DTNA: variants seen among roughly 807,000 people sequenced by gnomAD.
DTNA encodes the protein dystrophin-related protein 3.
Under a neutral mutation model 100.7 loss-of-function variants are expected in DTNA, and 43 were observed. The ratio of observed to expected loss-of-function variants is 0.43; its 90% CI spans 0.33 to 0.55. The LOEUF (loss-of-function observed/expected upper bound fraction) is 0.55, where lower values mean the gene tolerates loss of function less well. Among genes scored for constraint, DTNA ranks in the 20% least tolerant of loss-of-function variants. DTNA has a pLI of 0.04. For synonymous variants in DTNA, 349 were observed against 347.9 expected, an observed-to-expected ratio of 1.00 and a Z score of -0.04; for missense variants, 798 against 953.9, an observed-to-expected ratio of 0.84 and a Z score of 2.15.
chr18:34,773,510 C>G (rs1316942258), intron 3 of DTNA, among the ~76,000 whole-genome samples: 1 of 152,184 alleles, frequency 6.6e-6, no homozygotes, highest in South Asian at 2.1e-4. Context: ...AGATGACTAA[C>G]CCTTGGAGCA....
chr18:34,840,866 A>G (rs543358359), intron 13 of DTNA, among the ~76,000 whole-genome samples: 26 of 152,096 alleles, frequency 1.7e-4, no homozygotes, highest in Admixed American at 1.6e-3. Context: ...TTTATGTTTA[A>G]TTAGATCCCA....
intron 17 of DTNA, chr18:34,867,266 C>T (rs2096715841): frequency 2.4e-6 from 3 of 1,231,154 alleles, no homozygotes; most frequent in Non-Finnish European, 2.0e-6. Context: ...ACCCTTCATT[C>T]CCATGGTCTG....
intron 1 of DTNA, among the ~76,000 whole-genome samples, chr18:34,725,868 A>C (rs1161814874): frequency 6.6e-6 from 1 of 152,224 alleles, no homozygotes; most frequent in Non-Finnish European, 1.5e-5. Context: ...TCGATGATAG[A>C]CTGGATTAAG....
At chr18:34,819,897 C>A (rs199581328) in intron 8 of DTNA, among the ~76,000 whole-genome samples, 1 of 151,292 alleles carries the variant, frequency 6.6e-6, no homozygotes, top group Admixed American at 6.6e-5. Flanking sequence ...AAGAAAGTGA[C>A]AAAATTTGAA....
chr18:34,866,673 C>T lies in DTNA; in HGVS notation c.1743+2611C>T, dbSNP rs114527015. ...CACACAATTATTGAGCCTTGTTCCC[C>T]ATGGCTCACCAAAATGTGCTCAATT... On this transcript the variant is annotated intron_variant, in intron 17 of 22. Transcript: ENST00000444659. 1.0e-5 allele frequency: 10 copies of T among 999,478 alleles called. No individual in the cohort carries two copies. In the African/African-American group the frequency reaches 1.0e-4, roughly 10 times the overall value. The allele number at this position is 999,478 out of a possible 1,614,324, so 61.9% of individuals were successfully genotyped here.
At chr18:34,564,607 C>T (rs1206388888) in intron 1 of DTNA, among the ~76,000 whole-genome samples, 7 of 152,208 alleles carry the variant, frequency 4.6e-5, no homozygotes, top group African/African-American at 1.7e-4. Flanking sequence ...AGAAATTATG[C>T]ATATTATCTC....
Position 34,837,753 on chromosome 18 carries a change from A to G in DTNA, c.1176-341A>G, listed in dbSNP as rs151217005. Among the ~76,000 whole-genome samples the G allele has an allele frequency of 1.1e-4, 17 of 152,362 alleles. No homozygotes were observed. The East Asian group carries it at 2.9e-3, about 26-fold the overall frequency. ...TCTTGAGTGGGATCTAAAGGCTGGCAGGACTTAGTGAACTATTGGACTGTT... is the reference window on the plus strand; with the variant it reads ...TCTTGAGTGGGATCTAAAGGCTGGCGGGACTTAGTGAACTATTGGACTGTT... On this transcript the variant is annotated intron_variant, in intron 11 of 22. Transcript: ENST00000444659.
At position 34,538,140 on chromosome 18, in the gene DTNA, A is replaced by G. The variant is rs1015742; in HGVS notation, c.-2+44626A>G. Reference sequence around the variant, plus strand: ...CGCAAAATGGTAAATAAAAGTTGAAAACAAAGGAATAGACAAAGTTATACC... The same window carrying G: ...CGCAAAATGGTAAATAAAAGTTGAAGACAAAGGAATAGACAAAGTTATACC... On this transcript the variant is annotated intron_variant, in intron 1 of 19. Transcript: ENST00000283365. Among the ~76,000 whole-genome samples, 355 of 152,216 alleles carry G rather than the reference A, an allele frequency of 2.3e-3. 3 individuals carry two copies. The highest frequency in any genetic ancestry group is 8.3e-3 in the African/African-American group (347 of 41,568).
intron 1 of DTNA, among the ~76,000 whole-genome samples, chr18:34,509,528 A>G (rs984367531): frequency 2.0e-5 from 3 of 152,148 alleles, no homozygotes; most frequent in African/African-American, 7.2e-5. Flanking sequence ...AATGTTTATC[A>G]TAAGAGTGTA....
intron 1 of DTNA, among the ~76,000 whole-genome samples, chr18:34,544,867 A>G (rs993659277): frequency 6.6e-6 from 1 of 151,960 alleles, no homozygotes; most frequent in Non-Finnish European, 1.5e-5. Flanking sequence ...ATATGTGTCC[A>G]TTACCAAAAG....
chr18:34,703,150 A>G (rs994524727), intron 1 of DTNA, among the ~76,000 whole-genome samples: 2 of 152,200 alleles, frequency 1.3e-5, no homozygotes, highest in Non-Finnish European at 2.9e-5. Context: ...GGGTTTCTCT[A>G]TGCTCTGTAT....
chr18:34,547,728 T>C (rs1461753438), intron 1 of DTNA, among the ~76,000 whole-genome samples: 1 of 152,162 alleles, frequency 6.6e-6, no homozygotes, highest in Non-Finnish European at 1.5e-5. Context: ...AAGGACAAAT[T>C]CAACATTTGA....
intron 15 of DTNA, 102 bp from the exon 16 acceptor site, chr18:34,858,183 A>G (rs2096575040): frequency 9.5e-7 from 1 of 1,054,118 alleles, no homozygotes; most frequent in East Asian, 2.5e-5. Flanking sequence ...TAAACATAGG[A>G]TGATCCCTTC....
At chr18:34,871,666 G>T (rs549802) in intron 17 of DTNA, among the ~76,000 whole-genome samples, 23,590 of 152,122 alleles carry the variant, frequency 0.16, 2,172 homozygotes, top group African/African-American at 0.26. Flanking sequence ...CATCATCACT[G>T]ATCTGCCCCA....
At chr18:34,494,255 G>A (rs2038919932) in intron 1 of DTNA, among the ~76,000 whole-genome samples, 1 of 151,950 alleles carries the variant, frequency 6.6e-6, no homozygotes, top group African/African-American at 2.4e-5. Flanking sequence ...GGTACTGACT[G>A]GGACATCCGC....
chr18:34,617,216 C>T (rs1472727741), intron 1 of DTNA, among the ~76,000 whole-genome samples: 1 of 152,138 alleles, frequency 6.6e-6, no homozygotes, highest in Non-Finnish European at 1.5e-5. Context: ...AAGGGGAATG[C>T]TCCCAGCTTT....
At chr18:34,515,581 A>G (rs1391022191) in intron 1 of DTNA, among the ~76,000 whole-genome samples, 2 of 152,090 alleles carry the variant, frequency 1.3e-5, no homozygotes, top group Admixed American at 6.6e-5. Context: ...TAAATGAAAT[A>G]TGTTACTGTT....
chr18:34,655,016 C>G (rs770388109), intron 1 of DTNA, among the ~76,000 whole-genome samples: 1 of 151,968 alleles, frequency 6.6e-6, no homozygotes, highest in Non-Finnish European at 1.5e-5. Context: ...CATGAACCAC[C>G]GTGCCCGGCC....
At position 34,860,224 on chromosome 18, in the gene DTNA, T is replaced by A. The variant is rs111344241; in HGVS notation, c.1646+1826T>A. On this transcript the variant is annotated intron_variant, in intron 16 of 22. Coordinates refer to ENST00000444659, the MANE Select transcript of DTNA (RefSeq NM_001386795.1). ...ACCACGCCCGGCTAATTTTTTGTTT[T>A]TTTTTTTTTTTTTTTTTTTTTTTTT... Among the ~76,000 whole-genome samples, 148 of 126,246 alleles carry A rather than the reference T, an allele frequency of 1.2e-3. 7 individuals are homozygous for A. The highest frequency in any genetic ancestry group is 5.0e-3 in the South Asian group (18 of 3,616). The allele number at this position is 126,246 out of a possible 152,430, so 82.8% of individuals were successfully genotyped here. A position where few individuals can be genotyped will look rare whatever the true frequency, so the allele number is the denominator to read the frequency against.
Sources: gnomAD v4.1 joint callset for allele counts (sites outside exome capture counted in the v4.1 genomes callset) on GRCh38, gnomAD v4.1.1 for gene constraint, MANE v1.5 for transcripts, NCBI Gene and HGNC (gene_info 2026-07-23, HGNC 2026-07-21) for gene names.